The following KCNH7 variants were observed in gnomAD, a reference collection of about 807,000 sequenced individuals.
KCNH7 encodes the protein potassium voltage-gated channel subfamily H member 7.
In KCNH7, 49 loss-of-function variants were observed where a neutral mutation model predicts 120.8. The observed-to-expected ratio is 0.41, with a 90% CI of 0.32 to 0.51. The LOEUF is 0.51. Among genes scored for constraint, KCNH7 ranks in the 20% least tolerant of loss-of-function variants. The pLI is 0.38. For missense variants in KCNH7, 1,097 were observed against 1,446.6 expected (o/e 0.76, Z 3.92); for synonymous variants, 547 against 516.1 (o/e 1.06, Z -0.81).
At chr2:162,747,971 T>C (rs1688372548) in intron 2 of KCNH7, among the ~76,000 whole-genome samples, 1 of 152,300 alleles carries the variant, frequency 6.6e-6, no homozygotes, top group African/African-American at 2.4e-5. Context: ...AGCCCCTTTA[T>C]GGTTTACAGC....
intron 6 of KCNH7, among the ~76,000 whole-genome samples, chr2:162,474,115 A>G (rs1223223812): frequency 6.6e-6 from 1 of 152,210 alleles, no homozygotes; most frequent in Non-Finnish European, 1.5e-5. Flanking sequence ...ATAATCCTAT[A>G]AAGTAGCTCT....
chr2:162,816,325 C>T (rs1684918296), intron 2 of KCNH7, among the ~76,000 whole-genome samples: 1 of 147,844 alleles, frequency 6.8e-6, no homozygotes, highest in South Asian at 2.2e-4. Context: ...CCTATCATTT[C>T]AGTTTCCTTT....
At chr2:162,475,352 A>G (rs1237116946) in intron 6 of KCNH7, among the ~76,000 whole-genome samples, 1 of 152,188 alleles carries the variant, frequency 6.6e-6, no homozygotes, top group Non-Finnish European at 1.5e-5. Context: ...TATTTTGGGT[A>G]TTTCTAGAAT....
chr2:162,795,879 T>G (rs1223840472), intron 2 of KCNH7: 3 of 152,046 alleles, frequency 2.0e-5, no homozygotes, highest in African/African-American at 7.2e-5. Context: ...GGACATCCTA[T>G]GTACACAGAA....
At chr2:162,676,389 G>A (rs1292511679) in intron 2 of KCNH7, among the ~76,000 whole-genome samples, 2 of 151,488 alleles carry the variant, frequency 1.3e-5, no homozygotes, top group East Asian at 1.9e-4. Context: ...GGTAAAACAG[G>A]TATAGTTCAT....
rs948868399 is a variant in KCNH7, at chr2:162,775,736, T to C, written c.307+60801A>G. 2.0e-5 allele frequency among the ~76,000 whole-genome samples: 3 copies of C among 152,188 alleles called. No individual in the cohort carries two copies. In the East Asian group the frequency reaches 5.8e-4, roughly 29 times the overall value. ...GCTGCTATACAATTTCATTTTCTTGTTTTTAATAATAACTACTACAAAATG... is the reference window on the plus strand; with the variant it reads ...GCTGCTATACAATTTCATTTTCTTGCTTTTAATAATAACTACTACAAAATG... On this transcript the variant is annotated intron_variant, in intron 2 of 15. Transcript: ENST00000332142.
rs763517183 is a variant in KCNH7 at position 162,384,887 on chromosome 2, C to T, written c.2763G>A (p.Gln921=). 6.2e-7 allele frequency: 1 copy of T among 1,611,980 alleles called. No homozygotes were observed. Among genetic ancestry groups the T allele is most frequent in the Non-Finnish European group, 8.5e-7 (1 of 1,178,458 alleles). The change falls in exon 13 of 16, where the codon CAG becomes CAA. Residue 921 remains glutamine, a synonymous_variant. Coordinates refer to ENST00000332142, the MANE Select transcript of KCNH7 (RefSeq NM_033272.4). ...TCTCTTCAAAGTGTCTCTTGGAACT[C>T]TGATAATGTCTTATGGTATCTGCAG... ...EDSADTIRHY[Q]SSKRHFEEKK... is the part of the protein sequence containing the mutation.
chr2:162,676,714 C>T (rs1308604249), intron 2 of KCNH7, among the ~76,000 whole-genome samples: 1 of 151,292 alleles, frequency 6.6e-6, no homozygotes, highest in Non-Finnish European at 1.5e-5. Flanking sequence ...TTGGAGAGCT[C>T]CAATAGTTAC....
chr2:162,562,447 G>A (rs1693105796), intron 2 of KCNH7, among the ~76,000 whole-genome samples: 1 of 152,156 alleles, frequency 6.6e-6, no homozygotes, highest in Non-Finnish European at 1.5e-5. Flanking sequence ...TGGAGGTTGG[G>A]CATCCTGTGT....
At chr2:162,489,047 A>G (rs1690201372) in intron 6 of KCNH7, among the ~76,000 whole-genome samples, 1 of 152,228 alleles carries the variant, frequency 6.6e-6, no homozygotes, top group Admixed American at 6.5e-5. Flanking sequence ...AACTGAAATA[A>G]CATTTTAATT....
At chr2:162,434,014 G>A (rs181638964) in intron 8 of KCNH7, among the ~76,000 whole-genome samples, 212 of 152,018 alleles carry the variant, frequency 1.4e-3, no homozygotes, top group Middle Eastern at 3.4e-3. Flanking sequence ...TAAATAAAAC[G>A]TAGTACATAT....
intron 2 of KCNH7, among the ~76,000 whole-genome samples, chr2:162,789,069 A>G (rs1229083614): frequency 6.6e-6 from 1 of 151,836 alleles, no homozygotes; most frequent in Admixed American, 6.6e-5. Flanking sequence ...CAAAAATGAG[A>G]GATACTTTCC....
At chr2:162,776,888 G>C (rs1574374881) in intron 2 of KCNH7, among the ~76,000 whole-genome samples, 1 of 152,254 alleles carries the variant, frequency 6.6e-6, no homozygotes, top group Admixed American at 6.5e-5. Context: ...GTAGAGATTG[G>C]TCATGAGACC....
chr2:162,477,413 T>C (rs1486560867), intron 6 of KCNH7, among the ~76,000 whole-genome samples: 1 of 152,208 alleles, frequency 6.6e-6, no homozygotes, highest in Non-Finnish European at 1.5e-5. Context: ...CTTTGGGCTC[T>C]CTTTCCAGTT....
At chr2:162,680,724 C>T (rs541075405) in intron 2 of KCNH7, among the ~76,000 whole-genome samples, 28 of 151,774 alleles carry the variant, frequency 1.8e-4, no homozygotes, top group African/African-American at 4.8e-4. Flanking sequence ...ATTGGCTGTG[C>T]GGGTGTCAGT....
intron 9 of KCNH7, among the ~76,000 whole-genome samples, chr2:162,409,735 T>C (rs939073885): frequency 1.3e-5 from 2 of 151,992 alleles, no homozygotes; most frequent in Admixed American, 6.6e-5. Flanking sequence ...TGGTAAACTT[T>C]CAGGATACAA....
chr2:162,757,287 T>C (rs1688817478), intron 2 of KCNH7, among the ~76,000 whole-genome samples: 1 of 152,104 alleles, frequency 6.6e-6, no homozygotes, highest in Non-Finnish European at 1.5e-5. Flanking sequence ...ATGATTGAAA[T>C]AGTATCATTT....
At chr2:162,665,252 G>A (rs1187081831) in intron 2 of KCNH7, among the ~76,000 whole-genome samples, 1 of 151,994 alleles carries the variant, frequency 6.6e-6, no homozygotes, top group East Asian at 1.9e-4. Flanking sequence ...ATTGCAATTT[G>A]TATTCTTTTA....
chr2:162,563,026 A>T (rs1022488402), intron 2 of KCNH7, among the ~76,000 whole-genome samples: 2 of 152,118 alleles, frequency 1.3e-5, no homozygotes, highest in Non-Finnish European at 2.9e-5. Flanking sequence ...TCAGAAACAC[A>T]GGGTCACTTT....
Sources: allele counts gnomAD v4.1 joint callset (sites outside exome capture counted in the v4.1 genomes callset), GRCh38; gene constraint gnomAD v4.1.1; transcripts MANE v1.5; gene names NCBI Gene and HGNC (gene_info 2026-07-23, HGNC 2026-07-21).